The following SUMF1 variants were observed in gnomAD, a reference collection of about 807,000 sequenced individuals.
The protein encoded by SUMF1 is sulfatase modifying factor 1, also known as formylglycine-generating enzyme.
SUMF1 carries 48 observed loss-of-function variants against 47.6 expected under a neutral mutation model. The observed-to-expected ratio is 1.01, with a 90% CI of 0.80 to 1.28. SUMF1 has a LOEUF of 1.28. SUMF1 is among the 50% of genes most tolerant of loss of function. The pLI is 0.00. For missense variants in SUMF1, 571 were observed against 485.4 expected (o/e 1.18, Z -1.66); for synonymous variants, 230 against 192.1 (o/e 1.20, Z -1.63).
intron 8 of SUMF1, among the ~76,000 whole-genome samples, chr3:4,176,758 G>A (rs1574952786): frequency 6.6e-6 from 1 of 152,112 alleles, no homozygotes; most frequent in African/African-American, 2.4e-5. Flanking sequence ...TGGATAAAGA[G>A]TCAAGACCCA....
At chr3:4,228,043 G>C (rs1443379544) in intron 8 of SUMF1, among the ~76,000 whole-genome samples, 2 of 152,084 alleles carry the variant, frequency 1.3e-5, no homozygotes, top group African/African-American at 4.8e-5. Flanking sequence ...CCTGCAATGG[G>C]AAAGAGTTTC....
intron 8 of SUMF1, among the ~76,000 whole-genome samples, chr3:4,293,794 C>A (rs1697786880): frequency 6.6e-6 from 1 of 152,218 alleles, no homozygotes; most frequent in South Asian, 2.1e-4. Flanking sequence ...AAAAACATCT[C>A]TCAAGCTACA....
chr3:4,126,406 T>G (rs1287190160), intron 8 of SUMF1, among the ~76,000 whole-genome samples: 1 of 152,130 alleles, frequency 6.6e-6, no homozygotes, highest in Non-Finnish European at 1.5e-5. Flanking sequence ...CTTACTCTTC[T>G]TTCTCTAAAC....
chr3:4,450,863 T>C (rs1353180241), intron 2 of SUMF1, among the ~76,000 whole-genome samples: 1 of 151,942 alleles, frequency 6.6e-6, no homozygotes, highest in Non-Finnish European at 1.5e-5. Context: ...GGAAAGAATG[T>C]TGAGTTTTCA....
chr3:4,300,585 A>C (rs1697943216), intron 8 of SUMF1, among the ~76,000 whole-genome samples: 2 of 152,202 alleles, frequency 1.3e-5, no homozygotes, highest in Admixed American at 1.3e-4. Flanking sequence ...TGTTATTATA[A>C]TTTTATGAAA....
At chr3:4,220,582 T>C (rs1377745313) in intron 8 of SUMF1, among the ~76,000 whole-genome samples, 3 of 151,990 alleles carry the variant, frequency 2.0e-5, no homozygotes, top group Non-Finnish European at 4.4e-5. Flanking sequence ...TTCCCTCCCT[T>C]AAATGGTGGT....
At chr3:4,178,265 C>T (rs970348034) in intron 8 of SUMF1, among the ~76,000 whole-genome samples, 1 of 152,022 alleles carries the variant, frequency 6.6e-6, no homozygotes, top group Non-Finnish European at 1.5e-5. Context: ...CCAATATCCC[C>T]GATGAACATT....
At chr3:4,466,862 T>G in intron 1 of SUMF1, 114 bp downstream of exon 1, 2 of 1,456,314 alleles carry the variant, frequency 1.4e-6, no homozygotes, top group South Asian at 2.6e-5. Flanking sequence ...GTGCTCGATT[T>G]GGGGTGTGGT....
chr3:4,331,186 G>T (rs1259887355), intron 8 of SUMF1, among the ~76,000 whole-genome samples: 6 of 149,994 alleles, frequency 4.0e-5, no homozygotes, highest in African/African-American at 1.5e-4. Context: ...TTTTATATTT[G>T]TGTAGTTTTA....
chr3:4,132,114 G>C (rs921191816), intron 8 of SUMF1, among the ~76,000 whole-genome samples: 1 of 152,104 alleles, frequency 6.6e-6, no homozygotes, highest in South Asian at 2.1e-4. Context: ...GCAGAGGTTT[G>C]TCCCCACCAG....
At chr3:4,348,507 C>A (rs1699419433) in intron 8 of SUMF1, among the ~76,000 whole-genome samples, 1 of 152,140 alleles carries the variant, frequency 6.6e-6, no homozygotes, top group Admixed American at 6.5e-5. Context: ...CCCTTCCTTA[C>A]ACCTTGTACA....
chr3:4,188,122 T>G (rs571525110), intron 8 of SUMF1, among the ~76,000 whole-genome samples: 2 of 151,906 alleles, frequency 1.3e-5, no homozygotes, highest in Non-Finnish European at 2.9e-5. Flanking sequence ...GTACAACTGA[T>G]GAACCTACAC....
intron 8 of SUMF1, among the ~76,000 whole-genome samples, chr3:4,332,644 T>C (rs115872132): frequency 1.2e-3 from 186 of 152,316 alleles, no homozygotes; most frequent in Non-Finnish European, 2.2e-3. Flanking sequence ...GCCAGCTAAA[T>C]GCCTGAAAGT....
intron 8 of SUMF1, among the ~76,000 whole-genome samples, chr3:4,199,416 TA>T (rs1695495756): frequency 6.6e-6 from 1 of 152,154 alleles, no homozygotes; most frequent in East Asian, 1.9e-4. Flanking sequence ...TTTGAGGTAT[TA>T]TAAGTAAGAT....
At chr3:4,256,799 C>G (rs1256727162) in intron 8 of SUMF1, among the ~76,000 whole-genome samples, 1 of 150,828 alleles carries the variant, frequency 6.6e-6, no homozygotes, top group East Asian at 2.0e-4. Flanking sequence ...CGGGCAGAGA[C>G]ACAACCAAAA....
intron 8 of SUMF1, among the ~76,000 whole-genome samples, chr3:4,181,477 G>C (rs1249408760): frequency 2.0e-5 from 3 of 152,180 alleles, no homozygotes; most frequent in Non-Finnish European, 2.9e-5. Context: ...GCTGGACAGA[G>C]AGAAAAGGAT....
At chr3:4,254,828 T>C (rs1696905867) in intron 8 of SUMF1, among the ~76,000 whole-genome samples, 1 of 151,010 alleles carries the variant, frequency 6.6e-6, no homozygotes, top group Non-Finnish European at 1.5e-5. Flanking sequence ...TCACCAAAGT[T>C]GAAATGAAGG....
In SUMF1 at chr3:4,217,523, T is replaced by TATATATTC. The variant is rs1553610089; in HGVS notation, c.1015-148779_1015-148778insGAATATAT. On this transcript the variant is annotated intron_variant and NMD_transcript_variant, in intron 8 of 12. Coordinates refer to the SUMF1 transcript ENST00000448413. ...GAACTTAAAGTATTTTTTATATATA[T>TATATATTC]ATATATATATATATATGAAGAAAAA... Among the ~76,000 whole-genome samples the TATATATTC allele has an allele frequency of 9.3e-4, 45 of 48,614 alleles. 10 individuals carry two copies. The highest frequency in any genetic ancestry group is 3.5e-3 in the African/African-American group (43 of 12,372). 31.9% of individuals were successfully genotyped at this position (48,614 alleles called of 152,430 possible). A position where few individuals can be genotyped will look rare whatever the true frequency, so the allele number is the denominator to read the frequency against.
intron 3 of SUMF1, among the ~76,000 whole-genome samples, chr3:4,442,946 T>A: frequency 6.9e-6 from 1 of 145,722 alleles, no homozygotes; most frequent in African/African-American, 2.6e-5. Context: ...CAGGAAGAAA[T>A]GCTCAAAAAA....
Sources: allele counts gnomAD v4.1 joint callset (sites outside exome capture counted in the v4.1 genomes callset), GRCh38; gene constraint gnomAD v4.1.1; transcripts MANE v1.5; gene names NCBI Gene and HGNC (gene_info 2026-07-23, HGNC 2026-07-21).